Variants in MAML3 observed in about 807,000 individuals in gnomAD.
MAML3 encodes the protein mastermind like transcriptional coactivator 3.
In MAML3, 27 loss-of-function variants were observed where a neutral mutation model predicts 101.9. The observed-to-expected ratio is 0.27, with a 90% CI of 0.20 to 0.37. The LOEUF (loss-of-function observed/expected upper bound fraction) is 0.37, where lower values mean the gene tolerates loss of function less well. MAML3 is among the 10% of genes least tolerant of loss of function. The pLI is 1.00. For missense variants in MAML3, 1,316 were observed against 1,444.9 expected, an observed-to-expected ratio of 0.91 and a Z score of 1.45; for synonymous variants, 501 against 555.9, an observed-to-expected ratio of 0.90 and a Z score of 1.39.
chr4:139,892,602 CAAAAAA>C (rs58824343), intron 1 of MAML3, among the ~76,000 whole-genome samples: 55 of 140,016 alleles, frequency 3.9e-4, no homozygotes, highest in Non-Finnish European at 3.8e-4. Flanking sequence ...CCACATTTTC[CAAAAAA>C]AAAAAAAAAA....
intron 1 of MAML3, chr4:140,133,195 A>G: frequency 2.6e-6 from 1 of 387,046 alleles, no homozygotes; most frequent in Non-Finnish European, 5.1e-6. Context: ...TTACTTTAAA[A>G]GTCCTATTTG....
chr4:139,872,600 G>C (rs915467543), intron 2 of MAML3, among the ~76,000 whole-genome samples: 1 of 152,208 alleles, frequency 6.6e-6, no homozygotes, highest in African/African-American at 2.4e-5. Flanking sequence ...GGTGCACACA[G>C]AAGTGAACTG....
chr4:140,151,103 C>G (rs555095180), intron 1 of MAML3, among the ~76,000 whole-genome samples: 1 of 151,978 alleles, frequency 6.6e-6, no homozygotes, highest in South Asian at 2.1e-4. Flanking sequence ...GGGGTCTGAG[C>G]TGGGCCGCGA....
chr4:139,745,397 T>A (rs985578226), intron 2 of MAML3, among the ~76,000 whole-genome samples: 2 of 152,092 alleles, frequency 1.3e-5, no homozygotes, highest in African/African-American at 4.8e-5. Context: ...CAGGGCTGGA[T>A]CTGGAGAAAA....
At chr4:139,814,392 G>A (rs1012510430) in intron 2 of MAML3, among the ~76,000 whole-genome samples, 13 of 152,116 alleles carry the variant, frequency 8.5e-5, no homozygotes, top group African/African-American at 3.1e-4. Flanking sequence ...TAAAGATACT[G>A]ACTAAAAAAC....
chr4:139,739,720 T>A (rs900915859), intron 2 of MAML3, among the ~76,000 whole-genome samples: 98 of 134,066 alleles, frequency 7.3e-4, no homozygotes, highest in Non-Finnish European at 8.9e-4. Context: ...GTGTTAAAAC[T>A]AAAAAAAAAA....
At position 139,890,311 on chromosome 4, in the gene MAML3, C is replaced by T; in HGVS notation, c.1125G>A (p.Gln375=). The change falls in exon 2 of 5, where the codon CAG becomes CAA. Residue 375 remains glutamine, a synonymous_variant. Coordinates refer to ENST00000509479, the MANE Select transcript of MAML3 (RefSeq NM_018717.5). This position sits in a 1 kb window ranked among gnomAD's most constrained non-coding sequence, Gnocchi z 4.1. ...PFAHVSMGSP[Q]ARPSSSGPPF... ...GAGGACCAGAAGAAGAAGGCCTCGC[C>T]TGGGGAGATCCCATGGAGACATGTG... 1.2e-6 allele frequency: 2 copies of T among 1,613,086 alleles called. No homozygotes were observed. The highest frequency in any genetic ancestry group is 1.7e-6 in the Non-Finnish European group (2 of 1,179,404).
intron 1 of MAML3, among the ~76,000 whole-genome samples, chr4:139,930,886 C>T (rs944938538): frequency 2.0e-5 from 3 of 151,778 alleles, no homozygotes; most frequent in Non-Finnish European, 4.4e-5. Context: ...TTGAAGGCTC[C>T]GTCATTGCTA....
intron 1 of MAML3, among the ~76,000 whole-genome samples, chr4:140,052,375 A>G (rs1727282456): frequency 6.6e-6 from 1 of 152,126 alleles, no homozygotes; most frequent in Non-Finnish European, 1.5e-5. Flanking sequence ...AGAATTTCCC[A>G]CTGGCAGAAC....
intron 2 of MAML3, among the ~76,000 whole-genome samples, chr4:139,801,040 T>C (rs1730594727): frequency 6.6e-6 from 1 of 152,224 alleles, no homozygotes; most frequent in African/African-American, 2.4e-5. Flanking sequence ...TGGATTGGAC[T>C]GACAGATCCA....
chr4:139,848,029 G>A (rs534969268), intron 2 of MAML3, among the ~76,000 whole-genome samples: 1 of 152,132 alleles, frequency 6.6e-6, no homozygotes, highest in Non-Finnish European at 1.5e-5. Context: ...TATTGTAAGC[G>A]ACCCTGGGGT....
intron 2 of MAML3, among the ~76,000 whole-genome samples, chr4:139,852,435 CAG>C: frequency 1.1e-5 from 1 of 94,148 alleles, no homozygotes; most frequent in East Asian, 3.5e-4. Flanking sequence ...TTTTTTGAGA[CAG>C]AGTCTCACTC....
intron 1 of MAML3, among the ~76,000 whole-genome samples, chr4:139,974,673 A>G (rs1669249390): frequency 6.6e-6 from 1 of 152,146 alleles, no homozygotes; most frequent in Non-Finnish European, 1.5e-5. Flanking sequence ...TAAACCTTTC[A>G]ATGCCTACGT....
chr4:140,069,658 GAGA>G (rs1727610937), intron 1 of MAML3, among the ~76,000 whole-genome samples: 1 of 149,852 alleles, frequency 6.7e-6, no homozygotes, highest in South Asian at 2.1e-4. Flanking sequence ...GGAGGAGAAG[GAGA>G]AGGAGAAAGA....
intron 2 of MAML3, among the ~76,000 whole-genome samples, chr4:139,856,954 TA>T (rs1372282157): frequency 6.6e-6 from 1 of 151,300 alleles, no homozygotes; most frequent in Non-Finnish European, 1.5e-5. Context: ...ATTGTAGGAG[TA>T]AAAAAATGAA....
intron 2 of MAML3, among the ~76,000 whole-genome samples, chr4:139,844,356 C>T (rs1284879272): frequency 2.0e-5 from 3 of 152,222 alleles, no homozygotes; most frequent in East Asian, 3.8e-4. Flanking sequence ...AAACATCCTT[C>T]TGGTCACACT....
At chr4:139,814,013 T>G (rs1730850554) in intron 2 of MAML3, among the ~76,000 whole-genome samples, 1 of 85,288 alleles carries the variant, frequency 1.2e-5, no homozygotes, top group Non-Finnish European at 2.7e-5. Flanking sequence ...CTAGCTACAG[T>G]ACACAAACAC....
intron 1 of MAML3, among the ~76,000 whole-genome samples, chr4:140,000,713 T>C (rs894529793): frequency 6.6e-6 from 1 of 152,026 alleles, no homozygotes; most frequent in Non-Finnish European, 1.5e-5. Context: ...ACACCCTCAA[T>C]TGAAAAAGAA....
chr4:139,772,686 AG>A (rs1311637167), intron 2 of MAML3, among the ~76,000 whole-genome samples: 3 of 152,102 alleles, frequency 2.0e-5, no homozygotes, highest in African/African-American at 7.2e-5. Context: ...CTTGTATTAT[AG>A]CAAGCATCAA....
Sources: allele counts gnomAD v4.1 joint callset (sites outside exome capture counted in the v4.1 genomes callset), GRCh38; gene constraint gnomAD v4.1.1; non-coding constraint Gnocchi (gnomAD v3.1); transcripts MANE v1.5; gene names NCBI Gene and HGNC (gene_info 2026-07-23, HGNC 2026-07-21).